Variants in HEATR5A observed in about 807,000 individuals in gnomAD.
The protein encoded by HEATR5A is HEAT repeat containing 5A, also known as HEAT repeat-containing protein 5A.
HEATR5A carries 178 observed loss-of-function variants against 218.8 expected under a neutral mutation model. The observed-to-expected ratio is 0.81, with a 90% CI of 0.72 to 0.92. HEATR5A has a LOEUF of 0.92. Among genes scored for constraint, HEATR5A ranks in the 40% least tolerant of loss-of-function variants. The pLI, the probability that HEATR5A is intolerant of heterozygous loss-of-function variation, is 0.00. For missense variants in HEATR5A, 2,420 were observed against 2,418.9 expected, an observed-to-expected ratio of 1.00 and a Z score of -0.01; for synonymous variants, 864 against 871.6, an observed-to-expected ratio of 0.99 and a Z score of 0.15.
At chr14:31,331,588 T>C (rs953182372) in intron 22 of HEATR5A, among the ~76,000 whole-genome samples, 5 of 152,192 alleles carry the variant, frequency 3.3e-5, no homozygotes, top group African/African-American at 9.7e-5. Context: ...GGTATCTTTA[T>C]AGCAGTGCCC....
At chr14:31,363,107 C>G (rs539623863) in intron 14 of HEATR5A, among the ~76,000 whole-genome samples, 1 of 151,770 alleles carries the variant, frequency 6.6e-6, no homozygotes, top group Non-Finnish European at 1.5e-5. Context: ...GGCATGGTAG[C>G]GCATGCCTGT....
At chr14:31,307,795 T>C in intron 30 of HEATR5A, 98 bp downstream of exon 30, 1 of 1,388,102 alleles carries the variant, frequency 7.2e-7, no homozygotes, top group Non-Finnish European at 9.7e-7. Flanking sequence ...GAAAAAAAAT[T>C]TCTGTGTGTT....
intron 13 of HEATR5A, among the ~76,000 whole-genome samples, chr14:31,368,652 C>G (rs539700716): frequency 6.6e-6 from 1 of 152,214 alleles, no homozygotes; most frequent in South Asian, 2.1e-4. Context: ...GCCTCAGCCT[C>G]CTGTGTAGCT....
At chr14:31,323,273 G>A (rs1900166478) in intron 24 of HEATR5A, among the ~76,000 whole-genome samples, 1 of 152,072 alleles carries the variant, frequency 6.6e-6, no homozygotes, top group Non-Finnish European at 1.5e-5. Context: ...TGATATTCCT[G>A]CCTCAGCCTC....
chr14:31,341,070 T>A (rs951592987), intron 21 of HEATR5A, among the ~76,000 whole-genome samples: 1 of 152,148 alleles, frequency 6.6e-6, no homozygotes, highest in Non-Finnish European at 1.5e-5. Context: ...TATAACAAAT[T>A]CAATCTAATA....
At chr14:31,390,190 G>GT (rs917024611) in intron 6 of HEATR5A, among the ~76,000 whole-genome samples, 40 of 152,136 alleles carry the variant, frequency 2.6e-4, no homozygotes, top group African/African-American at 9.4e-4. Context: ...AGTGGAGGGG[G>GT]TAGGTAGGAG....
chr14:31,300,898 T>A (rs1161697192), intron 33 of HEATR5A, among the ~76,000 whole-genome samples: 4 of 152,158 alleles, frequency 2.6e-5, no homozygotes, highest in Non-Finnish European at 5.9e-5. Flanking sequence ...ATTACTCCCA[T>A]TTTTTAAAAA....
At chr14:31,349,129 C>T (rs543787749) in intron 18 of HEATR5A, among the ~76,000 whole-genome samples, 21 of 152,320 alleles carry the variant, frequency 1.4e-4, no homozygotes, top group African/African-American at 4.3e-4. Context: ...GTGGTCCACG[C>T]TTTTAATCCC....
chr14:31,298,852 A>G (rs1899274972), intron 33 of HEATR5A, among the ~76,000 whole-genome samples: 1 of 152,004 alleles, frequency 6.6e-6, no homozygotes, highest in African/African-American at 2.4e-5. Flanking sequence ...CTTTCCATTT[A>G]GCTATTTCTC....
At chr14:31,350,774 T>TTG in intron 16 of HEATR5A, 57 bp from the exon 17 acceptor site, 1 of 803,812 alleles carries the variant, frequency 1.2e-6, no homozygotes. Flanking sequence ...GTTTGTTTGT[T>TTG]TGTTTGTTTG....
intron 4 of HEATR5A, among the ~76,000 whole-genome samples, chr14:31,397,005 A>G (rs1484706630): frequency 1.3e-5 from 2 of 152,230 alleles, no homozygotes; most frequent in Non-Finnish European, 2.9e-5. Context: ...GCTTTTAAAT[A>G]AAACCAGACT....
chr14:31,358,722 T>C lies in HEATR5A; in HGVS notation c.2326A>G (p.Lys776Glu), dbSNP rs545975438. Residue 776 changes from lysine (K) to glutamate (E), a missense_variant, in exon 16 of 36, where the codon AAG (lysine) becomes GAG (glutamate). Coordinates refer to ENST00000543095, the MANE Select transcript of HEATR5A (RefSeq NM_015473.4). Reference sequence around the variant, plus strand: ...ACTGATAGTGCTGGAGGTAAGGGCTTAGGCACTGAATCTCCCTCTACATCT... The same window carrying C: ...ACTGATAGTGCTGGAGGTAAGGGCTCAGGCACTGAATCTCCCTCTACATCT... ...EKDVEGDSVP[K>E]PLPPALSVIS... is the part of the protein sequence containing the mutation. The C allele has an allele frequency of 1.1e-5, 18 of 1,613,890 alleles. No homozygotes were observed. In the Admixed American group the frequency reaches 2.7e-4, roughly 24 times the overall value.
intron 18 of HEATR5A, 87 bp downstream of exon 18, chr14:31,349,702 T>A (rs755134381): frequency 1.8e-5 from 14 of 795,462 alleles, no homozygotes; most frequent in Non-Finnish European, 2.8e-5. Flanking sequence ...AATCTCAGAA[T>A]GAAGATCTTA....
chr14:31,335,290 A>G (rs1900615487), intron 22 of HEATR5A, among the ~76,000 whole-genome samples: 1 of 152,174 alleles, frequency 6.6e-6, no homozygotes, highest in Non-Finnish European at 1.5e-5. Flanking sequence ...GGTATTGTGT[A>G]TAGGTATGCC....
At chr14:31,340,603 T>G in intron 21 of HEATR5A, 1 of 494,410 alleles carries the variant, frequency 2.0e-6, no homozygotes, top group Non-Finnish European at 3.1e-6. Flanking sequence ...TTGGCTTAGC[T>G]TCAGCTTAAA....
At chr14:31,382,461 C>A (rs567452453) in intron 10 of HEATR5A, among the ~76,000 whole-genome samples, 1 of 151,968 alleles carries the variant, frequency 6.6e-6, no homozygotes, top group East Asian at 1.9e-4. Context: ...AATATATTTA[C>A]GAGTTTGTGA....
At position 31,305,191 on chromosome 14, in the gene HEATR5A, T is replaced by G; in HGVS notation, c.4967-14A>C. 3.7e-6 allele frequency: 6 copies of G among 1,610,056 alleles called. No individual in the cohort carries two copies. Among genetic ancestry groups the G allele is most frequent in the Non-Finnish European group, 5.1e-6 (6 of 1,179,196 alleles). ...CCCCATCATCAACTAAAAGAAAGAATAGTGTTTAATACTTTGTGCTTGCTC... is the reference window on the plus strand; with the variant it reads ...CCCCATCATCAACTAAAAGAAAGAAGAGTGTTTAATACTTTGTGCTTGCTC... On this transcript the variant is annotated splice_polypyrimidine_tract_variant and intron_variant, in intron 31 of 35. Coordinates refer to ENST00000543095, the MANE Select transcript of HEATR5A (RefSeq NM_015473.4).
In HEATR5A at chr14:31,398,672, C is replaced by A. The variant is rs1319479127; in HGVS notation, c.447+1G>T. The stretch of plus-strand genomic sequence containing the variant: ...CTTTGGCTGAACTTGTAATTACTTA[C>A]CTCTGCACTCTTCATAGCTTTAAGA... On this transcript the variant is annotated splice_donor_variant, in intron 4 of 35. Coordinates refer to ENST00000543095, the MANE Select transcript of HEATR5A (RefSeq NM_015473.4). LOFTEE classifies it high-confidence loss of function. 1 of 1,443,108 alleles carries A rather than the reference C, an allele frequency of 6.9e-7. No individual in the cohort carries two copies. The highest frequency in any genetic ancestry group is 1.2e-5 in the South Asian group (1 of 81,772). 89.4% of individuals were successfully genotyped at this position (1,443,108 alleles called of 1,614,324 possible). A position where few individuals can be genotyped will look rare whatever the true frequency, so the allele number is the denominator to read the frequency against.
chr14:31,334,379 G>C (rs1188288467), intron 22 of HEATR5A: 2 of 455,706 alleles, frequency 4.4e-6, no homozygotes, highest in South Asian at 1.6e-5. Context: ...CAAAGTAACT[G>C]AAAACCTTCT....
Sources: gnomAD v4.1 joint callset for allele counts (sites outside exome capture counted in the v4.1 genomes callset) on GRCh38, gnomAD v4.1.1 for gene constraint, MANE v1.5 for transcripts, NCBI Gene and HGNC (gene_info 2026-07-23, HGNC 2026-07-21) for gene names.